The following COL10A1 variants were observed in gnomAD, a reference collection of about 807,000 sequenced individuals.
COL10A1 encodes collagen alpha-1(X) chain.
Under a neutral mutation model 18.2 loss-of-function variants are expected in COL10A1, and 10 were observed. The ratio of observed to expected loss-of-function variants is 0.55; its 90% CI spans 0.34 to 0.93. The LOEUF (loss-of-function observed/expected upper bound fraction) is 0.93. Ranked by LOEUF, COL10A1 falls within the 40% of genes least tolerant of loss-of-function variation. The probability of loss-of-function intolerance (pLI) is 0.02; values close to 1 mark genes in which losing one functional copy is unlikely to be tolerated. For missense variants in COL10A1, 897 were observed against 853.5 expected, an observed-to-expected ratio of 1.05 and a Z score of -0.64; for synonymous variants, 330 against 316.6, an observed-to-expected ratio of 1.04 and a Z score of -0.45.
chr6:116,142,019 A>C (rs568279244), intron 1 of COL10A1, among the ~76,000 whole-genome samples: 11 of 152,086 alleles, frequency 7.2e-5, no homozygotes, highest in Non-Finnish European at 1.6e-4. Context: ...AAACTCAAAA[A>C]AAAGATTTGT....
At chr6:116,179,072 T>C in the COL10A1 span, among the ~76,000 whole-genome samples, 1 of 152,146 alleles carries the variant, frequency 6.6e-6, no homozygotes, top group Admixed American at 6.6e-5. Flanking sequence ...GTTCATGCTG[T>C]TTTTTCTTCT....
At position 116,121,583 on chromosome 6, in the gene COL10A1, G is replaced by T; in HGVS notation, c.533C>A (p.Ala178Glu). ...TCCATTCATACCAGGGACTCCTGGT[G>T]CACCCTTTTCTCCAGGAAAGCCCCT... ...GPRGFPGEKGAPGVPGMNGQK... is the reference protein window; with the variant it reads ...GPRGFPGEKGEPGVPGMNGQK... The change falls in exon 3 of 3, where the codon GCA becomes GAA. Residue 178 changes from alanine (A) to glutamate (E), a missense_variant. By Grantham distance (107) the Ala-to-Glu change is moderately radical. Coordinates refer to ENST00000651968, the MANE Select transcript of COL10A1 (RefSeq NM_000493.4). 6.2e-7 allele frequency: 1 copy of T among 1,613,992 alleles called. No homozygotes were observed. The highest frequency in any genetic ancestry group is 1.1e-5 in the South Asian group (1 of 91,072).
chr6:116,205,897 T>G, the COL10A1 span, among the ~76,000 whole-genome samples: 1 of 151,934 alleles, frequency 6.6e-6, no homozygotes, highest in Non-Finnish European at 1.5e-5. Context: ...AGTCAGCCTC[T>G]CTAGGCCTCA....
chr6:116,120,961 A>T lies in COL10A1; in HGVS notation c.1155T>A (p.Asp385Glu), dbSNP rs533520389. 3 of 1,613,528 alleles carry T rather than the reference A, an allele frequency of 1.9e-6. No homozygotes were observed. The African/African-American group carries it at 4.0e-5, about 22-fold the overall frequency. The change falls in exon 3 of 3, where the codon GAT becomes GAA. Residue 385 changes from aspartate (D) to glutamate (E), a missense_variant. Coordinates refer to ENST00000651968, the MANE Select transcript of COL10A1 (RefSeq NM_000493.4). ...AKGERGSPGS[D>E]GKPGYPGKPG... Reference sequence around the variant, plus strand: ...GTTTTCCTGGGTACCCTGGTTTTCCATCTGACCCAGGGGAACCCCTTTCAC... The same window carrying T: ...GTTTTCCTGGGTACCCTGGTTTTCCTTCTGACCCAGGGGAACCCCTTTCAC...
At chr6:116,143,647 A>G (rs1345603232) in intron 1 of COL10A1, among the ~76,000 whole-genome samples, 2 of 151,948 alleles carry the variant, frequency 1.3e-5, no homozygotes, top group Admixed American at 6.6e-5. Context: ...GCCATTTTTT[A>G]TTGCTGTTAA....
Position 116,121,692 on chromosome 6 carries a change from C to T in COL10A1, c.424G>A (p.Gly142Arg), listed in dbSNP as rs376224853. The change falls in exon 3 of 3, where the codon GGA (glycine) becomes AGA (arginine). Residue 142 changes from glycine to arginine, a missense_variant. By Grantham distance (125) the Gly-to-Arg change is moderately radical. Transcript: ENST00000651968. The part of the protein sequence containing the change: ...AGLPGPRGPP[G>R]PPGIPGPAGI... ...GCCGGTCCAGGGATTCCAGGTGGTC[C>T]TGGTGGGCCCCGGGGTCCTGGTAGG... The T allele has an allele frequency of 6.2e-7, 1 of 1,614,092 alleles. No individual in the cohort carries two copies. Among genetic ancestry groups the T allele is most frequent in the Non-Finnish European group, 8.5e-7 (1 of 1,179,978 alleles).
chr6:116,213,810 A>G, the COL10A1 span, among the ~76,000 whole-genome samples: 1 of 152,124 alleles, frequency 6.6e-6, no homozygotes, highest in African/African-American at 2.4e-5. Flanking sequence ...CAAAAGGATC[A>G]GAAAGAGTTG....
At chr6:116,192,515 G>A in the COL10A1 span, among the ~76,000 whole-genome samples, 5,853 of 152,056 alleles carry the variant, frequency 0.038, 168 homozygotes, top group South Asian at 0.1. Flanking sequence ...ATTGGATTCT[G>A]TGTTTCTGTT....
At chr6:116,128,975 C>T (rs1469621758), upstream of COL10A1, among the ~76,000 whole-genome samples, 1 of 152,070 alleles carries the variant, frequency 6.6e-6, no homozygotes, top group Non-Finnish European at 1.5e-5. Context: ...CAATAAATGC[C>T]TATATGCCTG....
At chr6:116,205,929 A>G in the COL10A1 span, among the ~76,000 whole-genome samples, 1 of 151,884 alleles carries the variant, frequency 6.6e-6, no homozygotes, top group Admixed American at 6.6e-5. Context: ...GCACAATGAG[A>G]TTAGGTTTTG....
upstream of COL10A1, chr6:116,158,844 T>G (rs565444118): frequency 3.0e-4 from 46 of 152,300 alleles, no homozygotes; most frequent in African/African-American, 1.1e-3. Context: ...GAATGATGGT[T>G]TGCCTTCTGA....
chr6:116,202,113 C>G, the COL10A1 span, among the ~76,000 whole-genome samples: 5 of 152,072 alleles, frequency 3.3e-5, no homozygotes, highest in South Asian at 8.3e-4. Context: ...TTAAATTTTA[C>G]TTAATTTAAC....
the COL10A1 span, among the ~76,000 whole-genome samples, chr6:116,178,849 T>G: frequency 6.6e-6 from 1 of 152,196 alleles, no homozygotes; most frequent in East Asian, 1.9e-4. Context: ...GCAATTTCAG[T>G]GTTTGCCTTA....
At chr6:116,181,665 C>A in the COL10A1 span, among the ~76,000 whole-genome samples, 5 of 151,856 alleles carry the variant, frequency 3.3e-5, no homozygotes, top group Non-Finnish European at 7.4e-5. Flanking sequence ...TGGAAACTTA[C>A]AAAATGCAAG....
the COL10A1 span, among the ~76,000 whole-genome samples, chr6:116,176,575 A>C: frequency 7.9e-5 from 12 of 152,194 alleles, no homozygotes; most frequent in Admixed American, 6.5e-4. Context: ...AAGATATCAA[A>C]CACAGTACCA....
intron 1 of COL10A1, among the ~76,000 whole-genome samples, chr6:116,135,801 G>A (rs1779575840): frequency 1.6e-5 from 2 of 124,862 alleles, no homozygotes; most frequent in Admixed American, 8.4e-5. Context: ...TAAATTAAAA[G>A]TATATATATT....
At chr6:116,158,079 A>T (rs1562143205) in intron 1 of COL10A1, among the ~76,000 whole-genome samples, 1 of 152,222 alleles carries the variant, frequency 6.6e-6, no homozygotes, top group Non-Finnish European at 1.5e-5. Context: ...TCAAAAAGTC[A>T]ATTTCTCTGA....
At chr6:116,142,390 C>T (rs1389829843) in intron 1 of COL10A1, among the ~76,000 whole-genome samples, 2 of 151,868 alleles carry the variant, frequency 1.3e-5, no homozygotes, top group Non-Finnish European at 2.9e-5. Context: ...GAAAGCACCT[C>T]TTTCAGGTTT....
At chr6:116,144,672 C>T (rs1779851111) in intron 1 of COL10A1, among the ~76,000 whole-genome samples, 2 of 152,068 alleles carry the variant, frequency 1.3e-5, no homozygotes, top group African/African-American at 4.8e-5. Flanking sequence ...TATTTGTAAT[C>T]CACACCAGAC....
Sources: allele counts gnomAD v4.1 joint callset (sites outside exome capture counted in the v4.1 genomes callset), GRCh38; gene constraint gnomAD v4.1.1; transcripts MANE v1.5; gene names NCBI Gene and HGNC (gene_info 2026-07-23, HGNC 2026-07-21).